Variants in KCNH7 observed in about 807,000 individuals in gnomAD.
KCNH7 encodes the protein voltage-gated inwardly rectifying potassium channel KCNH7.
Under a neutral mutation model 120.8 loss-of-function variants are expected in KCNH7, and 49 were observed. That is an observed-to-expected ratio of 0.41 (90% CI 0.32 to 0.51). The LOEUF (loss-of-function observed/expected upper bound fraction) is 0.51, where lower values mean the gene tolerates loss of function less well. Among genes scored for constraint, KCNH7 ranks in the 20% least tolerant of loss-of-function variants. KCNH7 has a pLI of 0.38. For missense variants in KCNH7, 1,097 were observed against 1,446.6 expected (o/e 0.76, Z 3.92); for synonymous variants, 547 against 516.1 (o/e 1.06, Z -0.81).
At chr2:162,659,975 T>C (rs1684904096) in intron 2 of KCNH7, among the ~76,000 whole-genome samples, 1 of 152,158 alleles carries the variant, frequency 6.6e-6, no homozygotes, top group Non-Finnish European at 1.5e-5. Flanking sequence ...TAGTGATGTC[T>C]CCTCTTCCCT....
chr2:162,685,215 G>T (rs565546597), intron 2 of KCNH7, among the ~76,000 whole-genome samples: 15 of 152,040 alleles, frequency 9.9e-5, no homozygotes, highest in African/African-American at 2.9e-4. Flanking sequence ...AACTAGGGGA[G>T]GGATAGCATT....
At chr2:162,624,160 G>T (rs758268034) in intron 2 of KCNH7, among the ~76,000 whole-genome samples, 1 of 152,008 alleles carries the variant, frequency 6.6e-6, no homozygotes, top group Non-Finnish European at 1.5e-5. Flanking sequence ...AATGACCCAG[G>T]ATCACCTGAA....
At chr2:162,707,821 C>CT (rs1349823366) in intron 2 of KCNH7, among the ~76,000 whole-genome samples, 2 of 152,110 alleles carry the variant, frequency 1.3e-5, no homozygotes, top group Non-Finnish European at 2.9e-5. Flanking sequence ...GACTGACCTC[C>CT]TGGTGGTTTC....
At chr2:162,397,014 G>A (rs1686932417) in intron 10 of KCNH7, 69 bp from the exon 11 acceptor site, 1 of 1,039,190 alleles carries the variant, frequency 9.6e-7, no homozygotes, top group Non-Finnish European at 1.4e-6. Flanking sequence ...TCTAAAAGTA[G>A]AAGGGGGTCA....
intron 12 of KCNH7, among the ~76,000 whole-genome samples, chr2:162,391,986 T>C (rs765233020): frequency 6.6e-6 from 1 of 152,044 alleles, no homozygotes; most frequent in Non-Finnish European, 1.5e-5. Flanking sequence ...TAGTCTATTG[T>C]TCTACAGTCA....
At chr2:162,595,385 C>T (rs1694344305) in intron 2 of KCNH7, among the ~76,000 whole-genome samples, 1 of 151,924 alleles carries the variant, frequency 6.6e-6, no homozygotes, top group African/African-American at 2.4e-5. Context: ...ATGGGGATTA[C>T]AGTTCAATAT....
At chr2:162,373,721 AT>A in intron 14 of KCNH7, 59 bp from the exon 15 acceptor site, 1 of 1,235,046 alleles carries the variant, frequency 8.1e-7, no homozygotes, top group Non-Finnish European at 1.1e-6. Flanking sequence ...TTTCAGGAGC[AT>A]TTAAAAAAAT....
In KCNH7 at chr2:162,677,654, T is replaced by C. The variant is rs1264653155; in HGVS notation, c.308-140574A>G. On this transcript the variant is annotated intron_variant, in intron 2 of 15. Transcript: ENST00000332142. Reference sequence around the variant, plus strand: ...CTTATATAAACACTCTTGTAGTTTCTTTTGGCAGACATATTATGCATTTCA... The same window carrying C: ...CTTATATAAACACTCTTGTAGTTTCCTTTGGCAGACATATTATGCATTTCA... Among the ~76,000 whole-genome samples the C allele has an allele frequency of 2.6e-5, 4 of 151,572 alleles. No individual in the cohort carries two copies. In the East Asian group the frequency reaches 7.7e-4, roughly 29 times the overall value.
intron 2 of KCNH7, among the ~76,000 whole-genome samples, chr2:162,576,089 A>G (rs143630836): frequency 7.9e-4 from 120 of 152,180 alleles, no homozygotes; most frequent in Non-Finnish European, 1.4e-3. Flanking sequence ...TTTAATAGCA[A>G]CATCTAATCT....
At chr2:162,640,416 T>G (rs1000654400) in intron 2 of KCNH7, among the ~76,000 whole-genome samples, 2 of 152,096 alleles carry the variant, frequency 1.3e-5, no homozygotes, top group Non-Finnish European at 2.9e-5. Context: ...CTGCCTATTT[T>G]TTTTAAGTTA....
chr2:162,719,631 T>A (rs1419984421), intron 2 of KCNH7, among the ~76,000 whole-genome samples: 1 of 151,854 alleles, frequency 6.6e-6, no homozygotes, highest in Non-Finnish European at 1.5e-5. Flanking sequence ...ACAGATGGAG[T>A]GAAAACCCTA....
intron 2 of KCNH7, among the ~76,000 whole-genome samples, chr2:162,689,143 CTATTAT>C (rs148007770): frequency 1.5e-4 from 23 of 149,754 alleles, no homozygotes; most frequent in African/African-American, 3.2e-4. Context: ...CATTTAGTTA[CTATTAT>C]TATTATTATT....
chr2:162,581,862 G>T (rs1426605575), intron 2 of KCNH7, among the ~76,000 whole-genome samples: 1 of 151,964 alleles, frequency 6.6e-6, no homozygotes. Context: ...AAATCTTGTT[G>T]CTACAAAGGG....
chr2:162,651,598 T>G lies in KCNH7; in HGVS notation c.308-114518A>C, dbSNP rs978066032. Among the ~76,000 whole-genome samples, 178 of 152,334 alleles carry G rather than the reference T, an allele frequency of 1.2e-3. 1 individual carries two copies. Among genetic ancestry groups the G allele is most frequent in the African/African-American group, 4.1e-3 (171 of 41,576 alleles). ...TGTTCTACATTTTCTTTATCCAATC[T>G]GTCATTGAAGGGAATTTGTGTCGAT... is the stretch of plus-strand genomic sequence containing the variant. On this transcript the variant is annotated intron_variant, in intron 2 of 15. Transcript: ENST00000332142.
intron 2 of KCNH7, among the ~76,000 whole-genome samples, chr2:162,730,532 T>C (rs1687687550): frequency 6.6e-6 from 1 of 151,862 alleles, no homozygotes; most frequent in Admixed American, 6.6e-5. Context: ...AACAAGAAAA[T>C]AGATTACAAA....
chr2:162,595,917 T>C (rs1208257910), intron 2 of KCNH7, among the ~76,000 whole-genome samples: 1 of 151,614 alleles, frequency 6.6e-6, no homozygotes, highest in East Asian at 1.9e-4. Context: ...ACATTAACAG[T>C]GAACTTCTAA....
intron 2 of KCNH7, among the ~76,000 whole-genome samples, chr2:162,718,214 G>C (rs1229980542): frequency 6.6e-6 from 1 of 151,902 alleles, no homozygotes; most frequent in Non-Finnish European, 1.5e-5. Flanking sequence ...TATCAGATGA[G>C]ATTGGATGCG....
At chr2:162,803,331 A>G (rs1337359392) in intron 2 of KCNH7, among the ~76,000 whole-genome samples, 9 of 151,838 alleles carry the variant, frequency 5.9e-5, no homozygotes, top group Admixed American at 5.3e-4. Flanking sequence ...TTAGCTGCCA[A>G]TGATAAACTA....
intron 2 of KCNH7, among the ~76,000 whole-genome samples, chr2:162,803,908 T>C (rs1049891966): frequency 1.4e-5 from 2 of 140,018 alleles, no homozygotes; most frequent in Non-Finnish European, 3.2e-5. Flanking sequence ...TGCCTGAGTG[T>C]TTCCAATTGT....
Sources: allele counts gnomAD v4.1 joint callset (sites outside exome capture counted in the v4.1 genomes callset), GRCh38; gene constraint gnomAD v4.1.1; transcripts MANE v1.5; gene names NCBI Gene and HGNC (gene_info 2026-07-23, HGNC 2026-07-21).